KIAA1328: variants seen among roughly 807,000 people sequenced by gnomAD.
KIAA1328 encodes KIAA1328.
A neutral mutation model predicts 68.1 loss-of-function variants in KIAA1328; 52 were observed. The observed-to-expected ratio is 0.76, with a 90% CI of 0.61 to 0.96. The LOEUF (loss-of-function observed/expected upper bound fraction) is 0.96, where lower values mean the gene tolerates loss of function less well. Ranked by LOEUF, KIAA1328 falls within the 40% of genes least tolerant of loss-of-function variation. The probability of loss-of-function intolerance (pLI) is 0.00; values close to 1 mark genes in which losing one functional copy is unlikely to be tolerated. For synonymous variants in KIAA1328, 232 were observed against 239.4 expected, an observed-to-expected ratio of 0.97 and a Z score of 0.28; for missense variants, 641 against 677.6, an observed-to-expected ratio of 0.95 and a Z score of 0.60.
chr18:37,100,811 CT>C (rs2057589011), intron 7 of KIAA1328, among the ~76,000 whole-genome samples: 1 of 152,192 alleles, frequency 6.6e-6, no homozygotes, highest in Non-Finnish European at 1.5e-5. Context: ...AGGTACTCCT[CT>C]GAGACAAAAC....
chr18:36,994,620 G>A (rs971045636), intron 6 of KIAA1328, among the ~76,000 whole-genome samples: 1 of 152,124 alleles, frequency 6.6e-6, no homozygotes, highest in Non-Finnish European at 1.5e-5. Flanking sequence ...GTTTTTTAAT[G>A]CCCTAGTTCT....
At chr18:37,103,760 A>G (rs953402884) in intron 7 of KIAA1328, among the ~76,000 whole-genome samples, 18 of 152,054 alleles carry the variant, frequency 1.2e-4, no homozygotes, top group African/African-American at 4.3e-4. Flanking sequence ...TCATCAGACA[A>G]GGACTAATAT....
intron 4 of KIAA1328, among the ~76,000 whole-genome samples, chr18:36,884,440 A>G (rs1034663931): frequency 5.9e-5 from 9 of 152,208 alleles, no homozygotes; most frequent in African/African-American, 1.7e-4. Context: ...ACTATGTGCT[A>G]TATGCTTTGA....
intron 6 of KIAA1328, among the ~76,000 whole-genome samples, chr18:36,995,608 G>A (rs989935511): frequency 6.6e-6 from 1 of 152,130 alleles, no homozygotes; most frequent in Non-Finnish European, 1.5e-5. Context: ...ATTCAACAGA[G>A]AAGAATTACT....
intron 6 of KIAA1328, among the ~76,000 whole-genome samples, chr18:37,056,028 C>G (rs975042577): frequency 2.6e-5 from 4 of 152,138 alleles, no homozygotes; most frequent in Non-Finnish European, 5.9e-5. Context: ...GTTTAGTTCA[C>G]CTCTTTATGA....
intron 6 of KIAA1328, among the ~76,000 whole-genome samples, chr18:36,973,156 G>A (rs1485814426): frequency 1.3e-5 from 2 of 152,182 alleles, no homozygotes; most frequent in South Asian, 4.1e-4. Context: ...AAAAAAGGAT[G>A]AGTTCATGTC....
chr18:37,230,525 C>T (rs922461999), downstream of KIAA1328: 1 of 152,096 alleles, frequency 6.6e-6, no homozygotes, highest in Non-Finnish European at 1.5e-5. Flanking sequence ...CCAGGATGGC[C>T]AGAAAAAGAT....
chr18:36,974,595 T>A (rs1252164999), intron 6 of KIAA1328, among the ~76,000 whole-genome samples: 2 of 152,232 alleles, frequency 1.3e-5, no homozygotes, highest in East Asian at 3.8e-4. Context: ...GTGAATAGTG[T>A]TGCAATAAAC....
At chr18:36,878,042 T>G (rs1178714442) in intron 4 of KIAA1328, among the ~76,000 whole-genome samples, 1 of 152,196 alleles carries the variant, frequency 6.6e-6, no homozygotes, top group Non-Finnish European at 1.5e-5. Context: ...AATTTGTTCC[T>G]ATCATTATGA....
At chr18:36,961,784 C>A (rs1251791236) in intron 6 of KIAA1328, among the ~76,000 whole-genome samples, 1 of 152,258 alleles carries the variant, frequency 6.6e-6, no homozygotes, top group East Asian at 1.9e-4. Flanking sequence ...TTGTCACCAC[C>A]AGGCCTGCCT....
At chr18:36,979,115 C>T (rs767775772) in intron 6 of KIAA1328, among the ~76,000 whole-genome samples, 1 of 152,058 alleles carries the variant, frequency 6.6e-6, no homozygotes, top group Non-Finnish European at 1.5e-5. Context: ...GCTATGATTG[C>T]ACCATTGTAC....
intron 3 of KIAA1328, among the ~76,000 whole-genome samples, chr18:36,837,054 A>G (rs1432896489): frequency 1.3e-5 from 2 of 152,178 alleles, no homozygotes; most frequent in South Asian, 2.1e-4. Flanking sequence ...TAATTCTTCC[A>G]TGATCATTCA....
chr18:36,950,923 C>T lies in KIAA1328; in HGVS notation c.449-8385C>T, dbSNP rs186832658. ...CTAACTGTTCATCTACCAAAACAGT[C>T]GGGGGAGATGATGGACAACCAAGTA... On this transcript the variant is annotated intron_variant, in intron 5 of 9. Coordinates refer to ENST00000280020, the MANE Select transcript of KIAA1328 (RefSeq NM_020776.3). 2.4e-3 allele frequency among the ~76,000 whole-genome samples: 359 copies of T among 152,284 alleles called. 1 individual carries two copies. Among genetic ancestry groups the T allele is most frequent in the Middle Eastern group, 0.02 (6 of 294 alleles).
At chr18:36,859,097 T>G (rs1383773239) in intron 4 of KIAA1328, among the ~76,000 whole-genome samples, 2 of 152,166 alleles carry the variant, frequency 1.3e-5, no homozygotes, top group Non-Finnish European at 2.9e-5. Flanking sequence ...AGCAATTGAA[T>G]CTTTTGTGTG....
chr18:36,962,092 T>C (rs1004830311), intron 6 of KIAA1328, among the ~76,000 whole-genome samples: 3 of 152,114 alleles, frequency 2.0e-5, no homozygotes, highest in African/African-American at 7.2e-5. Context: ...GAGACACACA[T>C]AGGCTCAAAA....
chr18:37,088,860 C>T (rs1230909671), intron 7 of KIAA1328, among the ~76,000 whole-genome samples: 1 of 151,836 alleles, frequency 6.6e-6, no homozygotes, highest in Non-Finnish European at 1.5e-5. Context: ...AAAAGTAAAA[C>T]ATCAAAGACA....
chr18:37,117,235 A>T (rs1002352949), intron 7 of KIAA1328, among the ~76,000 whole-genome samples: 3 of 152,342 alleles, frequency 2.0e-5, no homozygotes, highest in Admixed American at 2.0e-4. Flanking sequence ...AAAGACTTGG[A>T]ACCAACCCAA....
At position 36,842,587 on chromosome 18, in the gene KIAA1328, G is replaced by A. The variant is rs1315935332; in HGVS notation, c.238-1621G>A. 3.9e-5 allele frequency among the ~76,000 whole-genome samples: 6 copies of A among 152,078 alleles called. No individual in the cohort carries two copies. In the East Asian group the frequency reaches 9.6e-4, roughly 24 times the overall value. ...CTCTAGAATTTCATTGTATCAATAT[G>A]CCAGCCACAGTTTTACTATTCTGTA... On this transcript the variant is annotated intron_variant, in intron 3 of 9. Coordinates refer to ENST00000280020, the MANE Select transcript of KIAA1328 (RefSeq NM_020776.3).
intron 5 of KIAA1328, among the ~76,000 whole-genome samples, chr18:36,912,689 C>T (rs1406852532): frequency 6.6e-6 from 1 of 152,046 alleles, no homozygotes; most frequent in Non-Finnish European, 1.5e-5. Context: ...TGCTGCATTC[C>T]CATTGCAGCA....
Sources: allele counts gnomAD v4.1 joint callset (sites outside exome capture counted in the v4.1 genomes callset), GRCh38; gene constraint gnomAD v4.1.1; transcripts MANE v1.5; gene names NCBI Gene and HGNC (gene_info 2026-07-23, HGNC 2026-07-21).